Variants in PTCHD4 observed in about 807,000 individuals in gnomAD.
PTCHD4 encodes patched domain-containing protein 4.
Under a neutral mutation model 58.1 loss-of-function variants are expected in PTCHD4, and 33 were observed. The ratio of observed to expected loss-of-function variants is 0.57; its 90% CI spans 0.43 to 0.76. The LOEUF (loss-of-function observed/expected upper bound fraction) is 0.76, where lower values mean the gene tolerates loss of function less well. PTCHD4 is among the 30% of genes least tolerant of loss of function. PTCHD4 has a pLI of 0.00. For synonymous variants in PTCHD4, 478 were observed against 409.6 expected (o/e 1.17, Z -2.02); for missense variants, 1,058 against 1,027.1 (o/e 1.03, Z -0.41).
chr6:47,940,095 G>A (rs1226812180), intron 4 of PTCHD4, among the ~76,000 whole-genome samples: 1 of 152,024 alleles, frequency 6.6e-6, no homozygotes, highest in Non-Finnish European at 1.5e-5. Context: ...GATCATAATT[G>A]TTTTCTGCAA....
At chr6:47,963,920 A>C (rs1372914559) in intron 4 of PTCHD4, among the ~76,000 whole-genome samples, 2 of 152,254 alleles carry the variant, frequency 1.3e-5, no homozygotes, top group Non-Finnish European at 2.9e-5. Context: ...CCTATTAAAC[A>C]GACTGTGGAA....
intron 3 of PTCHD4, among the ~76,000 whole-genome samples, chr6:48,056,500 A>G (rs1030229298): frequency 1.3e-4 from 20 of 152,236 alleles, no homozygotes; most frequent in Admixed American, 4.6e-4. Flanking sequence ...CTATTTTCTC[A>G]TAGTTAAATA....
In PTCHD4 at chr6:47,878,725, T is replaced by C; in HGVS notation, c.2110A>G (p.Asn704Asp). ...ATAGAAATGCAATCCATGTCGACGT[T>C]CCATAATGTCATTAAGCCCAGAACG... ...LGVLGLMTLW[N>D]VDMDCISILC... Residue 704 changes from asparagine to aspartate, a missense_variant, in exon 5 of 5, where the codon AAC becomes GAC. Coordinates refer to ENST00000339488, the MANE Select transcript of PTCHD4 (RefSeq NM_001384253.1). 1 of 1,613,606 alleles carries C rather than the reference T, an allele frequency of 6.2e-7. No individual in the cohort carries two copies. The highest frequency in any genetic ancestry group is 1.1e-5 in the South Asian group (1 of 91,068).
chr6:47,993,497 A>G (rs528296647), intron 4 of PTCHD4, among the ~76,000 whole-genome samples: 3 of 152,284 alleles, frequency 2.0e-5, no homozygotes, highest in Admixed American at 1.3e-4. Context: ...AGGAGATGCA[A>G]TGCACAATAT....
At chr6:48,026,999 G>A (rs988930185) in intron 3 of PTCHD4, among the ~76,000 whole-genome samples, 10 of 151,176 alleles carry the variant, frequency 6.6e-5, no homozygotes, top group Admixed American at 2.6e-4. Flanking sequence ...TATATGAACC[G>A]GTAAGTTATA....
At position 48,008,640 on chromosome 6, in the gene PTCHD4, C is replaced by T. The variant is rs375648873; in HGVS notation, c.892G>A (p.Ala298Thr). ...NSTLLGIPFFAMGHGTKGVFE... is the reference protein window; with the variant it reads ...NSTLLGIPFFTMGHGTKGVFE... ...CACAAGGATGGATAGTTACCCATGG[C>T]GAAGAACGGGATTCCCAGCAGGGTG... is the stretch of plus-strand genomic sequence containing the variant. The change falls in exon 4 of 5, where the codon GCC becomes ACC. Residue 298 changes from alanine (A) to threonine (T), a missense_variant. Coordinates refer to ENST00000339488, the MANE Select transcript of PTCHD4 (RefSeq NM_001384253.1). 4.6e-5 allele frequency: 74 copies of T among 1,612,180 alleles called. No individual in the cohort carries two copies. Among genetic ancestry groups the T allele is most frequent in the Non-Finnish European group, 5.3e-5 (62 of 1,179,102 alleles).
At chr6:48,059,181 G>T (rs1764526887) in intron 3 of PTCHD4, among the ~76,000 whole-genome samples, 1 of 152,190 alleles carries the variant, frequency 6.6e-6, no homozygotes, top group Non-Finnish European at 1.5e-5. Context: ...TGCTTGAAAT[G>T]CAGACTCTCA....
chr6:47,873,224 C>T lies in PTCHD4; in HGVS notation c.*5079G>A, dbSNP rs975740754. On this transcript the variant is annotated 3_prime_UTR_variant, in exon 5 of 5. Transcript: ENST00000339488. Reference sequence around the variant, plus strand: ...ATTTGCCTATGATCAAGTTTGCTAGCAGTTGAGAATCTATAGTTTTGCAAC... The same window carrying T: ...ATTTGCCTATGATCAAGTTTGCTAGTAGTTGAGAATCTATAGTTTTGCAAC... Among the ~76,000 whole-genome samples, 4 of 151,734 alleles carry T rather than the reference C, an allele frequency of 2.6e-5. No homozygotes were observed. The highest frequency in any genetic ancestry group is 5.9e-5 in the Non-Finnish European group (4 of 67,778).
intron 3 of PTCHD4, among the ~76,000 whole-genome samples, chr6:48,033,017 T>C (rs905650170): frequency 1.3e-5 from 2 of 152,172 alleles, no homozygotes; most frequent in African/African-American, 4.8e-5. Context: ...AAGCATCTTA[T>C]CAGCTAAAAA....
intron 1 of PTCHD4, among the ~76,000 whole-genome samples, chr6:48,085,724 T>A (rs1187006545): frequency 6.6e-6 from 1 of 152,204 alleles, no homozygotes; most frequent in Admixed American, 6.5e-5. Flanking sequence ...GCTGAGAAAT[T>A]TAGTTGCAGC....
At chr6:47,909,709 T>C (rs1223445353) in intron 4 of PTCHD4, among the ~76,000 whole-genome samples, 1 of 152,084 alleles carries the variant, frequency 6.6e-6, no homozygotes, top group Non-Finnish European at 1.5e-5. Context: ...TCCAAAGTGT[T>C]GGGATTGCAG....
chr6:47,878,896 T>G lies in PTCHD4; in HGVS notation c.1939A>C (p.Met647Leu). Residue 647 changes from methionine to leucine, a missense_variant, in exon 5 of 5, where the codon ATG (methionine) becomes CTG (leucine). Met to Leu is a conservative substitution (Grantham distance 15, BLOSUM62 2). Transcript: ENST00000339488. ...GTGACAGACAAGCTGTAATGGTCCATGAAGACAAAGGAGGGGTTGAACACG... is the reference window on the plus strand; with the variant it reads ...GTGACAGACAAGCTGTAATGGTCCAGGAAGACAAAGGAGGGGTTGAACACG... The part of the protein sequence containing the change: ...FIVFNPSFVF[M>L]DHYSLSVTVP... 4 of 1,613,602 alleles carry G rather than the reference T, an allele frequency of 2.5e-6. No homozygotes were observed. The highest frequency in any genetic ancestry group is 3.4e-6 in the Non-Finnish European group (4 of 1,179,752).
intron 4 of PTCHD4, among the ~76,000 whole-genome samples, chr6:47,935,508 T>G (rs1185802758): frequency 1.3e-5 from 2 of 152,156 alleles, no homozygotes; most frequent in Non-Finnish European, 2.9e-5. Flanking sequence ...TATTCTTTTC[T>G]TCAGATACCA....
At chr6:47,894,729 G>A (rs1242951400) in intron 4 of PTCHD4, among the ~76,000 whole-genome samples, 1 of 152,190 alleles carries the variant, frequency 6.6e-6, no homozygotes, top group Non-Finnish European at 1.5e-5. Context: ...ATGATAACAT[G>A]CCAGAACATT....
At chr6:48,079,054 C>T (rs1041823296) in intron 1 of PTCHD4, among the ~76,000 whole-genome samples, 1 of 147,492 alleles carries the variant, frequency 6.8e-6, no homozygotes, top group Non-Finnish European at 1.5e-5. Flanking sequence ...GGAGGCGGAG[C>T]TTGCAGTGAG....
chr6:48,057,335 T>G (rs551550814), intron 3 of PTCHD4, among the ~76,000 whole-genome samples: 2 of 152,334 alleles, frequency 1.3e-5, no homozygotes, highest in East Asian at 3.9e-4. Flanking sequence ...GAATGGGCTT[T>G]GGTTTGATTC....
At chr6:47,970,577 A>G (rs1209931942) in intron 4 of PTCHD4, among the ~76,000 whole-genome samples, 1 of 152,166 alleles carries the variant, frequency 6.6e-6, no homozygotes, top group African/African-American at 2.4e-5. Flanking sequence ...TGATGAAATT[A>G]CTAGAGACCT....
intron 3 of PTCHD4, among the ~76,000 whole-genome samples, chr6:48,038,596 T>C (rs1489896542): frequency 6.8e-6 from 1 of 146,818 alleles, no homozygotes; most frequent in Non-Finnish European, 1.5e-5. Context: ...GCCAAGATCA[T>C]GGCACTGCAT....
intron 4 of PTCHD4, among the ~76,000 whole-genome samples, chr6:47,995,460 G>A (rs1178926636): frequency 6.6e-6 from 1 of 152,196 alleles, no homozygotes; most frequent in Non-Finnish European, 1.5e-5. Flanking sequence ...ATGAAGCCTA[G>A]TTAGAAGATA....
Sources: allele counts gnomAD v4.1 joint callset (sites outside exome capture counted in the v4.1 genomes callset), GRCh38; gene constraint gnomAD v4.1.1; transcripts MANE v1.5; gene names NCBI Gene and HGNC (gene_info 2026-07-23, HGNC 2026-07-21).